Variants in PCLO observed in about 807,000 individuals in gnomAD.
The protein encoded by PCLO is piccolo presynaptic cytomatrix protein.
A neutral mutation model predicts 427.5 loss-of-function variants in PCLO; 82 were observed. The observed-to-expected ratio is 0.19, with a 90% CI of 0.16 to 0.23. The LOEUF (loss-of-function observed/expected upper bound fraction) is 0.23, where lower values mean the gene tolerates loss of function less well. Among genes scored for constraint, PCLO ranks in the 10% least tolerant of loss-of-function variants. The probability of loss-of-function intolerance (pLI) is 1.00; values close to 1 mark genes in which losing one functional copy is unlikely to be tolerated. For missense variants in PCLO, 6,239 were observed against 6,115.9 expected (o/e 1.02, Z -0.67); for synonymous variants, 2,357 against 2,155.4 (o/e 1.09, Z -2.59).
chr7:83,015,070 A>C (rs1365807480), intron 3 of PCLO, among the ~76,000 whole-genome samples: 1 of 152,166 alleles, frequency 6.6e-6, no homozygotes, highest in Admixed American at 6.6e-5. Context: ...ACAGGGAGGT[A>C]ACATTATTAT....
At position 82,873,184 on chromosome 7, in the gene PCLO, T is replaced by G. The variant is rs1311595846; in HGVS notation, c.13654+6153A>C. ...TTTGCTATATTATTCTGTAAGTTTTTTTTTTTTTTTTTTTTTGTACATTCG... is the reference window on the plus strand; with the variant it reads ...TTTGCTATATTATTCTGTAAGTTTTGTTTTTTTTTTTTTTTTGTACATTCG... On this transcript the variant is annotated intron_variant, in intron 10 of 24. Coordinates refer to ENST00000333891, the MANE Select transcript of PCLO (RefSeq NM_033026.6). Among the ~76,000 whole-genome samples, 39 of 103,088 alleles carry G rather than the reference T, an allele frequency of 3.8e-4. 2 individuals are homozygous for G. In the South Asian group the frequency reaches 0.012, roughly 31 times the overall value. 67.6% of individuals were successfully genotyped at this position (103,088 alleles called of 152,430 possible).
intron 22 of PCLO, among the ~76,000 whole-genome samples, chr7:82,784,595 C>T (rs11977793): frequency 0.34 from 51,525 of 151,976 alleles, 9,162 homozygotes; most frequent in African/African-American, 0.39. Flanking sequence ...TCCCTTTTAT[C>T]TTCCTAACTT....
At chr7:82,801,801 C>T (rs1791359776) in intron 21 of PCLO, among the ~76,000 whole-genome samples, 1 of 152,074 alleles carries the variant, frequency 6.6e-6, no homozygotes, top group Non-Finnish European at 1.5e-5. Flanking sequence ...AAAATGTGAA[C>T]TTGTTTATTA....
chr7:83,093,717 T>C (rs13222042), intron 3 of PCLO, among the ~76,000 whole-genome samples: 7,889 of 147,932 alleles, frequency 0.053, 227 homozygotes, highest in South Asian at 0.094. Context: ...ATGGTCTCGA[T>C]CTCCTGACCT....
At chr7:82,976,378 A>T (rs1796018706) in intron 3 of PCLO, among the ~76,000 whole-genome samples, 1 of 152,196 alleles carries the variant, frequency 6.6e-6, no homozygotes, top group African/African-American at 2.4e-5. Context: ...AAGCTCCAGC[A>T]ATCTTCAGCA....
chr7:82,845,597 T>C, intron 12 of PCLO, 112 bp from the exon 13 acceptor site: 1 of 691,232 alleles, frequency 1.4e-6, no homozygotes, highest in East Asian at 2.7e-5. Context: ...TAAAATAAGC[T>C]AAACTTTAAA....
At chr7:82,876,741 C>A (rs1225550864) in intron 10 of PCLO, among the ~76,000 whole-genome samples, 2 of 151,966 alleles carry the variant, frequency 1.3e-5, no homozygotes, top group Non-Finnish European at 2.9e-5. Flanking sequence ...TATTGACAGT[C>A]AAGACAGTAT....
rs556117505 is a variant in PCLO, at chr7:82,836,498, A to G, written c.14223-805T>C. 3.9e-4 allele frequency among the ~76,000 whole-genome samples: 60 copies of G among 152,256 alleles called. No individual in the cohort carries two copies. The South Asian group carries it at 0.012, about 31-fold the overall frequency. On this transcript the variant is annotated intron_variant, in intron 15 of 24. Coordinates refer to ENST00000333891, the MANE Select transcript of PCLO (RefSeq NM_033026.6). ...TAAAACAAAAACTACCTTTTCCTAT[A>G]CTATGTGACTATTGGTAATCTCTAC... is the stretch of plus-strand genomic sequence containing the variant.
chr7:83,060,698 G>A (rs1469490033), intron 3 of PCLO, among the ~76,000 whole-genome samples: 2 of 152,188 alleles, frequency 1.3e-5, no homozygotes, highest in Non-Finnish European at 2.9e-5. Flanking sequence ...CACTGGTGGT[G>A]GTGGTCCATA....
intron 3 of PCLO, among the ~76,000 whole-genome samples, chr7:83,085,074 G>C (rs1173182645): frequency 6.6e-6 from 1 of 152,062 alleles, no homozygotes; most frequent in African/African-American, 2.4e-5. Flanking sequence ...TGCTTATCGT[G>C]GTTGGCTCAA....
At chr7:83,135,705 CA>C (rs1791710422) in intron 2 of PCLO, 49 bp from the exon 3 acceptor site, 2 of 1,257,000 alleles carry the variant, frequency 1.6e-6, no homozygotes, top group East Asian at 5.1e-5. Context: ...TGTAAAAACA[CA>C]AAAATGTTTT....
chr7:82,781,603 TCCCACAG>T (rs1234935452), intron 22 of PCLO, among the ~76,000 whole-genome samples: 2 of 152,166 alleles, frequency 1.3e-5, no homozygotes, highest in African/African-American at 4.8e-5. Flanking sequence ...GGTTTATAAC[TCCCACAG>T]CCCTTATTAC....
At chr7:82,791,652 G>T (rs1329428255) in intron 22 of PCLO, among the ~76,000 whole-genome samples, 1 of 152,100 alleles carries the variant, frequency 6.6e-6, no homozygotes, top group African/African-American at 2.4e-5. Context: ...CTATTATCTC[G>T]TGTCCATAGT....
chr7:82,902,025 T>C lies in PCLO; in HGVS notation c.13528+626A>G, dbSNP rs533510111. 9.4e-4 allele frequency among the ~76,000 whole-genome samples: 143 copies of C among 151,830 alleles called. 1 individual carries two copies. Among genetic ancestry groups the C allele is most frequent in the Admixed American group, 5.0e-3 (76 of 15,218 alleles). On this transcript the variant is annotated intron_variant, in intron 9 of 24. Transcript: ENST00000333891. ...TTGTGGAAGTCAGTGTGGCGATTCCTCAGGGATCTAGAACTAGAAATATCA... is the reference window on the plus strand; with the variant it reads ...TTGTGGAAGTCAGTGTGGCGATTCCCCAGGGATCTAGAACTAGAAATATCA...
intron 22 of PCLO, among the ~76,000 whole-genome samples, chr7:82,783,064 G>A (rs1032380521): frequency 6.6e-6 from 1 of 152,128 alleles, no homozygotes; most frequent in Non-Finnish European, 1.5e-5. Context: ...GGCCTCAAAG[G>A]AGCCAGCAAC....
At chr7:83,124,160 A>T (rs1228331612) in intron 3 of PCLO, among the ~76,000 whole-genome samples, 1 of 151,322 alleles carries the variant, frequency 6.6e-6, no homozygotes, top group Non-Finnish European at 1.5e-5. Flanking sequence ...AATACAAAAA[A>T]AAAAAAATTA....
At chr7:82,997,758 C>A (rs932693773) in intron 3 of PCLO, among the ~76,000 whole-genome samples, 1 of 151,988 alleles carries the variant, frequency 6.6e-6, no homozygotes, top group African/African-American at 2.4e-5. Flanking sequence ...AAAGAAGAAT[C>A]AATTTAAATT....
At chr7:82,862,790 A>T (rs764473314) in intron 10 of PCLO, among the ~76,000 whole-genome samples, 4 of 151,962 alleles carry the variant, frequency 2.6e-5, no homozygotes, top group Non-Finnish European at 5.9e-5. Flanking sequence ...TATTTGTGGG[A>T]TCTAAAAATC....
chr7:83,074,957 G>A (rs963664164), intron 3 of PCLO, among the ~76,000 whole-genome samples: 5 of 152,216 alleles, frequency 3.3e-5, no homozygotes, highest in Admixed American at 2.6e-4. Flanking sequence ...ATCACCTAAA[G>A]AAATGTAAGC....
Sources: gnomAD v4.1 joint callset for allele counts (sites outside exome capture counted in the v4.1 genomes callset) on GRCh38, gnomAD v4.1.1 for gene constraint, MANE v1.5 for transcripts, NCBI Gene and HGNC (gene_info 2026-07-23, HGNC 2026-07-21) for gene names.